The following PEAK1 variants were observed in gnomAD, a reference collection of about 807,000 sequenced individuals.
PEAK1 encodes the protein pseudopodium enriched atypical kinase 1, also known as inactive tyrosine-protein kinase PEAK1.
Under a neutral mutation model 124.7 loss-of-function variants are expected in PEAK1, and 54 were observed. The observed-to-expected ratio is 0.43, with a 90% CI of 0.35 to 0.54. The LOEUF is 0.54. Ranked by LOEUF, PEAK1 falls within the 20% of genes least tolerant of loss-of-function variation. The pLI is 0.01. For synonymous variants in PEAK1, 719 were observed against 760.0 expected (o/e 0.95, Z 0.89); for missense variants, 2,046 against 2,134.5 (o/e 0.96, Z 0.82).
chr15:77,398,632 C>T (rs745765384), intron 1 of PEAK1, among the ~76,000 whole-genome samples: 4 of 152,014 alleles, frequency 2.6e-5, no homozygotes, highest in Non-Finnish European at 5.9e-5. Context: ...CAATAAAAGC[C>T]ATATATGACG....
chr15:77,249,822 C>T (rs960582374), intron 6 of PEAK1, among the ~76,000 whole-genome samples: 2 of 151,952 alleles, frequency 1.3e-5, no homozygotes, highest in Non-Finnish European at 2.9e-5. Flanking sequence ...CTACGCCTGG[C>T]CCTGAAACAG....
At chr15:77,148,249 G>A (rs1471063343) in intron 8 of PEAK1, among the ~76,000 whole-genome samples, 1 of 152,176 alleles carries the variant, frequency 6.6e-6, no homozygotes, top group African/African-American at 2.4e-5. Flanking sequence ...AGGACTCACG[G>A]GAGATTCTGA....
intron 5 of PEAK1, among the ~76,000 whole-genome samples, chr15:77,269,210 A>C (rs2061898736): frequency 2.0e-5 from 3 of 152,174 alleles, no homozygotes. Context: ...GCTCCACTTA[A>C]AAGACAGAGA....
Position 77,338,644 on chromosome 15 carries a change from A to AT in PEAK1, c.-603+26518_-603+26519insA, listed in dbSNP as rs1195896033. ...CACATGAAAAATCTTTAAAAAAAAA[A>AT]ATATATATATATATATATGTATCTA... is the stretch of plus-strand genomic sequence containing the variant. On this transcript the variant is annotated intron_variant, in intron 2 of 9. Transcript: ENST00000682557. Among the ~76,000 whole-genome samples the AT allele has an allele frequency of 4.0e-3, 544 of 135,908 alleles. 3 individuals are homozygous for AT. The highest frequency in any genetic ancestry group is 0.013 in the East Asian group (65 of 4,882). 89.2% of individuals were successfully genotyped at this position (135,908 alleles called of 152,430 possible).
intron 2 of PEAK1, among the ~76,000 whole-genome samples, chr15:77,317,781 T>C (rs1484498894): frequency 2.0e-5 from 3 of 152,240 alleles, no homozygotes; most frequent in Admixed American, 6.5e-5. Flanking sequence ...AATGTTCATA[T>C]AGTTAGGCAA....
intron 6 of PEAK1, among the ~76,000 whole-genome samples, chr15:77,238,634 T>C (rs1289385648): frequency 2.0e-5 from 3 of 152,182 alleles, no homozygotes; most frequent in Non-Finnish European, 4.4e-5. Context: ...CCTATTAGTC[T>C]GTGATGGCTG....
chr15:77,335,201 T>A (rs1431675231), intron 2 of PEAK1: 5 of 985,396 alleles, frequency 5.1e-6, no homozygotes, highest in Non-Finnish European at 6.0e-6. Flanking sequence ...AACTTAAGAG[T>A]CCTCTCTCAG....
In PEAK1 at chr15:77,111,518, C is replaced by T. The variant is rs2050973190; in HGVS notation, c.*2638G>A. 1 of 152,224 alleles carries T rather than the reference C, an allele frequency of 6.6e-6. No homozygotes were observed. Among genetic ancestry groups the T allele is most frequent in the African/African-American group, 2.4e-5 (1 of 41,464 alleles). The allele number at this position is 152,224 out of a possible 1,614,324, so 9.4% of individuals were successfully genotyped here. The stretch of plus-strand genomic sequence containing the variant: ...GAGAAAAATTAATCTAGCCACCTGT[C>T]TCTGGGAAGCCTGAGGCTTTTCTCT... On this transcript the variant is annotated 3_prime_UTR_variant, in exon 10 of 10. Coordinates refer to ENST00000682557, the MANE Select transcript of PEAK1 (RefSeq NM_001385026.1).
chr15:77,178,920 C>T lies in PEAK1; in HGVS notation c.3007G>A (p.Asp1003Asn). 3 of 1,614,096 alleles carry T rather than the reference C, an allele frequency of 1.9e-6. No individual in the cohort carries two copies. The highest frequency in any genetic ancestry group is 1.7e-5 in the Admixed American group (1 of 60,000). ...CDPAQGQLSV[D>N]QSKARTDQAA... Reference sequence around the variant, plus strand: ...TGGTCTGTCCTAGCCTTGCTCTGATCCACACTGAGCTGGCCTTGAGCAGGG... The same window carrying T: ...TGGTCTGTCCTAGCCTTGCTCTGATTCACACTGAGCTGGCCTTGAGCAGGG... The change falls in exon 7 of 10, where the codon GAT (aspartate) becomes AAT (asparagine). Residue 1003 changes from aspartate to asparagine, a missense_variant. Transcript: ENST00000682557.
intron 2 of PEAK1, among the ~76,000 whole-genome samples, chr15:77,298,635 T>C (rs2063635629): frequency 6.6e-6 from 1 of 152,150 alleles, no homozygotes; most frequent in Non-Finnish European, 1.5e-5. Context: ...AAGATTATCC[T>C]TTCTAAAAAT....
intron 5 of PEAK1, among the ~76,000 whole-genome samples, chr15:77,283,511 T>C (rs1183343039): frequency 2.0e-5 from 3 of 152,090 alleles, no homozygotes; most frequent in Non-Finnish European, 4.4e-5. Context: ...TTTAAAATTA[T>C]TTTCTTTCCA....
At chr15:77,396,187 TAGATAGGTAGGTAG>T (rs1261024549) in intron 1 of PEAK1, among the ~76,000 whole-genome samples, 1 of 152,030 alleles carries the variant, frequency 6.6e-6, no homozygotes, top group Non-Finnish European at 1.5e-5. Flanking sequence ...TATCTATCTA[TAGATAGGTAGGTAG>T]ATAGCTAGAT....
intron 5 of PEAK1, among the ~76,000 whole-genome samples, chr15:77,271,116 C>T (rs560466116): frequency 3.9e-5 from 6 of 152,140 alleles, no homozygotes; most frequent in East Asian, 1.9e-4. Context: ...AAAAAGTGGG[C>T]GAAGGACATG....
At position 77,110,959 on chromosome 15, in the gene PEAK1, A is replaced by C. The variant is rs1368145728; in HGVS notation, c.*3197T>G. The C allele has an allele frequency of 6.6e-6, 1 of 152,214 alleles. No individual in the cohort carries two copies. Among genetic ancestry groups the C allele is most frequent in the Non-Finnish European group, 1.5e-5 (1 of 68,028 alleles). 9.4% of individuals were successfully genotyped at this position (152,214 alleles called of 1,614,324 possible). A position where few individuals can be genotyped will look rare whatever the true frequency, so the allele number is the denominator to read the frequency against. ...CTTCCAAGACTAGGTTACCACTCTA[A>C]CAAGGCACTCTGCTATACATTCAGT... On this transcript the variant is annotated 3_prime_UTR_variant, in exon 10 of 10. Coordinates refer to ENST00000682557, the MANE Select transcript of PEAK1 (RefSeq NM_001385026.1).
At chr15:77,404,001 A>T (rs1041895485) in intron 1 of PEAK1, 9 of 969,162 alleles carry the variant, frequency 9.3e-6, no homozygotes, top group Non-Finnish European at 1.1e-5. Flanking sequence ...TTTATCACTC[A>T]GGTAATGAGC....
chr15:77,178,729 A>G, intron 7 of PEAK1, 61 bp downstream of exon 7: 1 of 1,499,100 alleles, frequency 6.7e-7, no homozygotes, highest in East Asian at 2.3e-5. Context: ...AAGATATAAA[A>G]AACTTAGCAC....
intron 6 of PEAK1, among the ~76,000 whole-genome samples, chr15:77,207,202 T>C (rs975550647): frequency 1.3e-5 from 2 of 152,144 alleles, no homozygotes; most frequent in African/African-American, 4.8e-5. Context: ...GACATAGGCA[T>C]GGGCAAGGAC....
chr15:77,313,135 G>T (rs1044477582), intron 2 of PEAK1, among the ~76,000 whole-genome samples: 11 of 152,068 alleles, frequency 7.2e-5, no homozygotes, highest in African/African-American at 2.2e-4. Context: ...GATAAACCTG[G>T]GGCATTTTGT....
At chr15:77,383,611 G>C (rs553770443) in intron 1 of PEAK1, among the ~76,000 whole-genome samples, 3 of 152,174 alleles carry the variant, frequency 2.0e-5, no homozygotes, top group African/African-American at 7.2e-5. Context: ...CGCTACCCAA[G>C]GCTATACTCA....
Sources: gnomAD v4.1 joint callset for allele counts (sites outside exome capture counted in the v4.1 genomes callset) on GRCh38, gnomAD v4.1.1 for gene constraint, MANE v1.5 for transcripts, NCBI Gene and HGNC (gene_info 2026-07-23, HGNC 2026-07-21) for gene names.